Variants in LUC7L2 observed in about 807,000 individuals in gnomAD.
LUC7L2 encodes putative RNA-binding protein Luc7-like 2.
In LUC7L2, 25 loss-of-function variants were observed where a neutral mutation model predicts 52.8. That is an observed-to-expected ratio of 0.47 (90% CI 0.34 to 0.66). LUC7L2 has a LOEUF of 0.66. LUC7L2 is among the 30% of genes least tolerant of loss of function. The probability of loss-of-function intolerance (pLI) is 0.01; values close to 1 mark genes in which losing one functional copy is unlikely to be tolerated. For missense variants in LUC7L2, 328 were observed against 497.8 expected (o/e 0.66, Z 3.25); for synonymous variants, 144 against 160.9 (o/e 0.89, Z 0.80).
chr7:139,388,854 C>G (rs943712868), intron 2 of LUC7L2, among the ~76,000 whole-genome samples: 9 of 151,878 alleles, frequency 5.9e-5, no homozygotes, highest in African/African-American at 2.2e-4. Flanking sequence ...TTCCATTTAG[C>G]TAATACCTGT....
intron 1 of LUC7L2, among the ~76,000 whole-genome samples, chr7:139,348,483 G>A (rs571678429): frequency 1.3e-5 from 2 of 152,130 alleles, no homozygotes; most frequent in Admixed American, 6.5e-5. Context: ...CACTTTGAGC[G>A]GCCGAGGCAG....
intron 4 of LUC7L2, among the ~76,000 whole-genome samples, chr7:139,404,391 C>G (rs1795034838): frequency 1.3e-5 from 2 of 152,168 alleles, no homozygotes; most frequent in African/African-American, 2.4e-5. Context: ...CGCCTGTAAT[C>G]TCAGCTACGT....
At chr7:139,349,461 A>C (rs4732368) in intron 1 of LUC7L2, among the ~76,000 whole-genome samples, 25,301 of 152,104 alleles carry the variant, frequency 0.17, 2,202 homozygotes, top group Middle Eastern at 0.27. Flanking sequence ...TCTAGAACAC[A>C]AACTATATTG....
chr7:139,389,316 T>C (rs1585104956), intron 2 of LUC7L2, among the ~76,000 whole-genome samples: 1 of 152,194 alleles, frequency 6.6e-6, no homozygotes, highest in African/African-American at 2.4e-5. Context: ...ATTTTCAGAC[T>C]CTTTCACCAT....
chr7:139,357,998 T>C (rs1799658461), upstream of LUC7L2, among the ~76,000 whole-genome samples: 2 of 148,776 alleles, frequency 1.3e-5, no homozygotes, highest in South Asian at 2.1e-4. Context: ...CCTCAAAAAT[T>C]TTCATTGGCC....
intron 2 of LUC7L2, among the ~76,000 whole-genome samples, chr7:139,378,988 T>C (rs1800851756): frequency 6.6e-6 from 1 of 152,176 alleles, no homozygotes; most frequent in Non-Finnish European, 1.5e-5. Context: ...TTCTTTGTTG[T>C]GTACCTAAAG....
At chr7:139,402,387 G>C in intron 4 of LUC7L2, 140 bp downstream of exon 4, 3 of 764,678 alleles carry the variant, frequency 3.9e-6, no homozygotes, top group Non-Finnish European at 5.9e-6. Context: ...GTCTGCCCCA[G>C]TGTAAACATC....
intron 1 of LUC7L2, among the ~76,000 whole-genome samples, chr7:139,366,962 C>T (rs1046087470): frequency 6.6e-6 from 1 of 151,996 alleles, no homozygotes; most frequent in Non-Finnish European, 1.5e-5. Flanking sequence ...ACACTTATTG[C>T]CTTTATTATT....
chr7:139,386,436 A>C (rs1794198158), intron 2 of LUC7L2, among the ~76,000 whole-genome samples: 2 of 118,332 alleles, frequency 1.7e-5, no homozygotes, highest in South Asian at 5.1e-4. Context: ...ATGGAGTCTC[A>C]CTCTGTCGTC....
intron 2 of LUC7L2, among the ~76,000 whole-genome samples, chr7:139,395,467 T>C (rs989423364): frequency 6.6e-6 from 1 of 152,224 alleles, no homozygotes; most frequent in Non-Finnish European, 1.5e-5. Flanking sequence ...AATCTCAGCA[T>C]GCTCAGTAAC....
intron 9 of LUC7L2, among the ~76,000 whole-genome samples, chr7:139,419,283 C>G (rs1028351865): frequency 5.3e-5 from 8 of 152,088 alleles, no homozygotes; most frequent in Non-Finnish European, 1.2e-4. Context: ...AGGCAAATAA[C>G]AGAGTAATCA....
chr7:139,377,893 C>T (rs1800801704), intron 2 of LUC7L2, among the ~76,000 whole-genome samples: 1 of 147,186 alleles, frequency 6.8e-6, no homozygotes, highest in African/African-American at 2.6e-5. Flanking sequence ...ACACTGCCCA[C>T]TGCAGCCTCC....
intron 1 of LUC7L2, 59 bp from the exon 2 acceptor site, chr7:139,376,003 C>T (rs1230264054): frequency 6.3e-7 from 1 of 1,576,678 alleles, no homozygotes; most frequent in Non-Finnish European, 8.7e-7. Context: ...TAGTAGGGCT[C>T]TCAGAAAATA....
At chr7:139,415,437 T>G (rs1306491766) in intron 8 of LUC7L2, among the ~76,000 whole-genome samples, 1 of 152,166 alleles carries the variant, frequency 6.6e-6, no homozygotes, top group Non-Finnish European at 1.5e-5. Context: ...AGTTATACAT[T>G]GGAAGAAATG....
intron 2 of LUC7L2, among the ~76,000 whole-genome samples, chr7:139,385,773 C>T (rs1794169262): frequency 6.6e-6 from 1 of 152,162 alleles, no homozygotes; most frequent in Admixed American, 6.5e-5. Context: ...TACAATGAGT[C>T]TCAATAAATG....
intron 3 of LUC7L2, among the ~76,000 whole-genome samples, chr7:139,401,279 T>A (rs1399869084): frequency 6.6e-6 from 1 of 152,212 alleles, no homozygotes; most frequent in Non-Finnish European, 1.5e-5. Flanking sequence ...TGTTCGGAAA[T>A]ACTTACTGTT....
chr7:139,410,034 C>A (rs995300870), intron 7 of LUC7L2, among the ~76,000 whole-genome samples: 4 of 152,006 alleles, frequency 2.6e-5, no homozygotes, highest in African/African-American at 9.7e-5. Context: ...GGTGAAACCC[C>A]GACTCTACTA....
intron 2 of LUC7L2, among the ~76,000 whole-genome samples, chr7:139,397,654 TC>T (rs1028655827): frequency 1.2e-4 from 18 of 152,200 alleles, no homozygotes; most frequent in Non-Finnish European, 2.5e-4. Flanking sequence ...CCTGTAATGA[TC>T]CTTGCATCTT....
At chr7:139,340,686 C>A in intron 1 of LUC7L2, 1 of 393,018 alleles carries the variant, frequency 2.5e-6, no homozygotes, top group Non-Finnish European at 4.5e-6. Flanking sequence ...TGTGTGAGCG[C>A]GTCGTTTGCA....
Sources: gnomAD v4.1 joint callset for allele counts (sites outside exome capture counted in the v4.1 genomes callset) on GRCh38, gnomAD v4.1.1 for gene constraint, MANE v1.5 for transcripts, NCBI Gene and HGNC (gene_info 2026-07-23, HGNC 2026-07-21) for gene names.